PPM1D: variants seen among roughly 807,000 people sequenced by gnomAD.
PPM1D encodes the protein protein phosphatase, Mg2+/Mn2+ dependent 1D.
A neutral mutation model predicts 58.3 loss-of-function variants in PPM1D; 52 were observed. The ratio of observed to expected loss-of-function variants is 0.89; its 90% confidence interval spans 0.71 to 1.12. The LOEUF (loss-of-function observed/expected upper bound fraction) is 1.12, where lower values mean the gene tolerates loss of function less well. Ranked by LOEUF, PPM1D falls within the 50% of genes most tolerant of loss-of-function variation. PPM1D has a pLI of 0.00. For missense variants in PPM1D, 564 were observed against 777.2 expected (o/e 0.73, Z 3.26); for synonymous variants, 278 against 285.1 (o/e 0.98, Z 0.25).
In PPM1D at chr17:60,600,394, C is replaced by T. The variant is rs1333027137; in HGVS notation, c.-21C>T. On this transcript the variant is annotated 5_prime_UTR_variant, in exon 1 of 6. Transcript: ENST00000305921. ...GATTCGGCGGGCTGCGTGGGACCGG[C>T]GGGATCCCGGCCAGCCGGCCATGGC... The T allele has an allele frequency of 1.9e-6, 3 of 1,538,586 alleles. No individual in the cohort carries two copies. Among genetic ancestry groups the T allele is most frequent in the Non-Finnish European group, 1.7e-6 (2 of 1,143,278 alleles).
At chr17:60,639,653 G>A (rs898203393) in intron 3 of PPM1D, among the ~76,000 whole-genome samples, 1 of 152,148 alleles carries the variant, frequency 6.6e-6, no homozygotes, top group East Asian at 1.9e-4. Flanking sequence ...GGCCAGGCTG[G>A]TCTCGAACTC....
chr17:60,628,150 G>A (rs542566289), intron 2 of PPM1D, among the ~76,000 whole-genome samples: 1 of 152,226 alleles, frequency 6.6e-6, no homozygotes, highest in South Asian at 2.1e-4. Flanking sequence ...TCCCGGCCCT[G>A]AATTGAATGC....
At chr17:60,602,240 A>C (rs2030229934) in intron 1 of PPM1D, among the ~76,000 whole-genome samples, 1 of 152,184 alleles carries the variant, frequency 6.6e-6, no homozygotes, top group Non-Finnish European at 1.5e-5. Context: ...TTGTAGAAAT[A>C]TGTGATATCA....
Position 60,623,576 on chromosome 17 carries a change from T to C in PPM1D, c.528T>C (p.Ser176=), listed in dbSNP as rs779001589. Reference sequence around the variant, plus strand: ...CTAGCACATCAGGGACAACTGCCAGTGTGGTCATCATTCGGGGCATGAAGA... The same window carrying C: ...CTAGCACATCAGGGACAACTGCCAGCGTGGTCATCATTCGGGGCATGAAGA... ...GLPSTSGTTA[S]VVIIRGMKMY... Residue 176 remains serine (S), a synonymous_variant, in exon 2 of 6, where the codon AGT becomes AGC. Coordinates refer to ENST00000305921, the MANE Select transcript of PPM1D (RefSeq NM_003620.4). 2 of 1,614,040 alleles carry C rather than the reference T, an allele frequency of 1.2e-6. No individual in the cohort carries two copies. The highest frequency in any genetic ancestry group is 1.7e-6 in the Non-Finnish European group (2 of 1,180,038).
intron 1 of PPM1D, among the ~76,000 whole-genome samples, chr17:60,606,067 T>C (rs1315872821): frequency 3.3e-5 from 5 of 152,224 alleles, no homozygotes; most frequent in African/African-American, 1.2e-4. Context: ...TATCTCATTG[T>C]TTCCCCCTTT....
intron 1 of PPM1D, among the ~76,000 whole-genome samples, chr17:60,607,537 G>A (rs1737971415): frequency 6.6e-6 from 1 of 152,218 alleles, no homozygotes; most frequent in Non-Finnish European, 1.5e-5. Flanking sequence ...CCGACCTCAA[G>A]TGATCCACCT....
At chr17:60,639,923 G>A (rs1358423188) in intron 3 of PPM1D, among the ~76,000 whole-genome samples, 1 of 152,218 alleles carries the variant, frequency 6.6e-6, no homozygotes, top group East Asian at 1.9e-4. Flanking sequence ...AAGAAGCATA[G>A]TGATATAGGA....
rs766524048 is a variant in PPM1D at position 60,663,185 on chromosome 17, T to G, written c.1451T>G (p.Leu484Ter). 1 of 1,614,150 alleles carries G rather than the reference T, an allele frequency of 6.2e-7. No homozygotes were observed. Among genetic ancestry groups the G allele is most frequent in the Non-Finnish European group, 8.5e-7 (1 of 1,179,970 alleles). ...GAAAATTGCGCTAAAGCCCTGACTT[T>G]AAGGATACATGATTCTTTGAATAAT... is the stretch of plus-strand genomic sequence containing the variant. Reference protein sequence around the residue: ...LEENCAKALTLRIHDSLNNSL... With the variant: ...LEENCAKALT The change falls in exon 6 of 6, where the codon TTA (leucine) becomes TGA (stop). Residue 484 changes from leucine (L) to a stop codon, truncating the protein, a stop_gained. Transcript: ENST00000305921. LOFTEE classifies it high-confidence loss of function.
intron 3 of PPM1D, among the ~76,000 whole-genome samples, chr17:60,637,111 G>A (rs961909094): frequency 5.9e-5 from 9 of 151,946 alleles, no homozygotes; most frequent in African/African-American, 1.7e-4. Context: ...TGGGATTATA[G>A]GCGTGCGCCC....
intron 1 of PPM1D, among the ~76,000 whole-genome samples, chr17:60,621,376 C>CA (rs2030698023): frequency 6.6e-6 from 1 of 151,670 alleles, no homozygotes; most frequent in South Asian, 2.1e-4. Flanking sequence ...ATCCCTACCT[C>CA]AGAGTTTTGT....
rs373274374 is a variant in PPM1D at position 60,623,792 on chromosome 17, A to T, written c.701+43A>T. 1.9e-6 allele frequency: 3 copies of T among 1,578,610 alleles called. No individual in the cohort carries two copies. The South Asian group carries it at 3.4e-5, about 18-fold the overall frequency. ...TCTCTTTCCTCTTTTGGTTCTATTTAGTCCTTTTATGCTTTACTAATGAAA... is the reference window on the plus strand; with the variant it reads ...TCTCTTTCCTCTTTTGGTTCTATTTTGTCCTTTTATGCTTTACTAATGAAA... On this transcript the variant is annotated intron_variant, in intron 2 of 5. Transcript: ENST00000305921.
At chr17:60,623,469 G>A in intron 1 of PPM1D, 52 bp from the exon 2 acceptor site, 1 of 1,504,238 alleles carries the variant, frequency 6.6e-7, no homozygotes, top group Non-Finnish European at 9.0e-7. Context: ...TATCCTGACA[G>A]TGTATTAATG....
At chr17:60,607,236 C>A (rs1475064860) in intron 1 of PPM1D, among the ~76,000 whole-genome samples, 1 of 151,694 alleles carries the variant, frequency 6.6e-6, no homozygotes, top group Non-Finnish European at 1.5e-5. Context: ...TGTTTACTGC[C>A]CTTTTATTAT....
At chr17:60,638,110 G>A (rs1445121147) in intron 3 of PPM1D, among the ~76,000 whole-genome samples, 1 of 152,100 alleles carries the variant, frequency 6.6e-6, no homozygotes, top group East Asian at 1.9e-4. Context: ...TTGATACAGC[G>A]AGTTTTTAGA....
chr17:60,638,131 A>C (rs550488099), intron 3 of PPM1D, among the ~76,000 whole-genome samples: 3 of 152,220 alleles, frequency 2.0e-5, no homozygotes, highest in Admixed American at 2.0e-4. Context: ...CAGTGTTTTT[A>C]TAGAAGTTAC....
intron 2 of PPM1D, among the ~76,000 whole-genome samples, chr17:60,624,470 G>A (rs28595691): frequency 0.041 from 6,245 of 152,192 alleles, 348 homozygotes; most frequent in African/African-American, 0.13. Context: ...GTCTTTTGCA[G>A]AGAAACGACA....
chr17:60,615,954 T>C (rs960142917), intron 1 of PPM1D, among the ~76,000 whole-genome samples: 5 of 152,096 alleles, frequency 3.3e-5, no homozygotes, highest in African/African-American at 1.2e-4. Flanking sequence ...GCCTCACAAG[T>C]AGCTGGGACT....
intron 1 of PPM1D, among the ~76,000 whole-genome samples, chr17:60,617,761 T>C (rs117724362): frequency 6.6e-6 from 1 of 152,166 alleles, no homozygotes; most frequent in Non-Finnish European, 1.5e-5. Flanking sequence ...GCTTTTTTTT[T>C]ATTTTAAATA....
intron 5 of PPM1D, 88 bp from the exon 6 acceptor site, chr17:60,662,907 C>A: frequency 1.6e-6 from 2 of 1,288,256 alleles, no homozygotes; most frequent in Non-Finnish European, 1.1e-6. Flanking sequence ...ATCCTACTAG[C>A]TTCATAAGAA....
Sources: gnomAD v4.1 joint callset for allele counts (sites outside exome capture counted in the v4.1 genomes callset) on GRCh38, gnomAD v4.1.1 for gene constraint, MANE v1.5 for transcripts, NCBI Gene and HGNC (gene_info 2026-07-23, HGNC 2026-07-21) for gene names.